Variants in MAOA observed in about 807,000 individuals in gnomAD.
The protein encoded by MAOA is monoamine oxidase A.
In MAOA, 6 loss-of-function variants were observed where a neutral mutation model predicts 42.0. That is an observed-to-expected ratio of 0.14 (90% CI 0.08 to 0.28). MAOA has a LOEUF of 0.28. Ranked by LOEUF, MAOA falls within the 10% of genes least tolerant of loss-of-function variation. The pLI is 1.00. For synonymous variants in MAOA, 140 were observed against 154.0 expected, an observed-to-expected ratio of 0.91 and a Z score of 0.67; for missense variants, 262 against 422.3, an observed-to-expected ratio of 0.62 and a Z score of 3.33.
intron 1 of MAOA, among the ~76,000 whole-genome samples, chrX:43,680,595 A>G (rs976557715): frequency 1.8e-5 from 2 of 109,663 alleles, no homozygotes; most frequent in South Asian, 3.9e-4. Flanking sequence ...TTGGAAAACT[A>G]CTTCATAGGT....
intron 2 of MAOA, among the ~76,000 whole-genome samples, chrX:43,690,541 G>T (rs1375601094): frequency 1.8e-5 from 2 of 111,009 alleles, no homozygotes; most frequent in Non-Finnish European, 3.8e-5. Context: ...TTGGTGCCTT[G>T]TTTGCATGTA....
At chrX:43,712,619 C>T (rs1490276034) in intron 4 of MAOA, 86 bp from the exon 5 acceptor site, 2 of 591,609 alleles carry the variant, frequency 3.4e-6, no homozygotes, top group Non-Finnish European at 5.8e-6. Context: ...ACCAAGAGAC[C>T]CATTTTCAGA....
At chrX:43,679,126 A>G (rs1226361299) in intron 1 of MAOA, among the ~76,000 whole-genome samples, 2 of 111,384 alleles carry the variant, frequency 1.8e-5, no homozygotes. Context: ...AAGAATTTAA[A>G]CTCTCCTTGC....
chrX:43,691,989 T>G (rs2033537400), intron 2 of MAOA, among the ~76,000 whole-genome samples: 1 of 85,069 alleles, frequency 1.2e-5, no homozygotes, highest in African/African-American at 4.5e-5. Context: ...CTAGACAAGT[T>G]GCACTGTATA....
At chrX:43,738,546 C>A (rs184948783) in intron 10 of MAOA, among the ~76,000 whole-genome samples, 2 of 111,855 alleles carry the variant, frequency 1.8e-5, no homozygotes, top group African/African-American at 6.5e-5. Flanking sequence ...GCAGGCCTGG[C>A]GCATTGGCTC....
intron 1 of MAOA, among the ~76,000 whole-genome samples, chrX:43,680,344 A>C (rs2033433010): frequency 9.0e-6 from 1 of 111,262 alleles, no homozygotes; most frequent in African/African-American, 3.3e-5. Context: ...AAGCCCGTGA[A>C]GGATAAAGGG....
rs1239717897 is a variant in MAOA at position 43,684,850 on chromosome X, C to CTTTCT, written c.168+1267_168+1271dup. On this transcript the variant is annotated intron_variant, in intron 2 of 14. Coordinates refer to ENST00000338702, the MANE Select transcript of MAOA (RefSeq NM_000240.4). ...TTGCTCTTCTTTCTGCTCTGATATT[C>CTTTCT]TTTCTTTTCTTTTCTTTTCTTTTCT... Among the ~76,000 whole-genome samples the CTTTCT allele has an allele frequency of 1.7e-3, 167 of 95,715 alleles. 1 individual carries two copies. The East Asian group carries it at 0.035, about 20-fold the overall frequency. The allele number at this position is 95,715 out of a possible 115,157, so 83.1% of individuals were successfully genotyped here.
intron 2 of MAOA, among the ~76,000 whole-genome samples, chrX:43,689,531 G>A (rs2033516195): frequency 9.0e-6 from 1 of 111,068 alleles, no homozygotes; most frequent in African/African-American, 3.3e-5. Context: ...GTAGTCTAAA[G>A]TTTATCAACA....
chrX:43,743,046 A>T (rs982090900), intron 12 of MAOA, among the ~76,000 whole-genome samples: 1 of 110,910 alleles, frequency 9.0e-6, no homozygotes, highest in Non-Finnish European at 1.9e-5. Context: ...CTGGAATTGG[A>T]AAAAGGAGTG....
chrX:43,742,009 G>A lies in MAOA; in HGVS notation c.1224G>A (p.Thr408=), dbSNP rs1045533621. 3.3e-6 allele frequency: 4 copies of A among 1,211,566 alleles called. No homozygotes were observed. Among genetic ancestry groups the A allele is most frequent in the African/African-American group, 1.7e-5 (1 of 57,702 alleles). The change falls in exon 12 of 15, where the codon ACG becomes ACA. Residue 408 remains threonine (T), a synonymous_variant. Coordinates refer to ENST00000338702, the MANE Select transcript of MAOA (RefSeq NM_000240.4). The part of the protein sequence containing the change: ...CEEQYSGGCY[T]AYFPPGIMTQ... ...AGCAGTACTCTGGGGGCTGCTACAC[G>A]GCCTACTTCCCTCCTGGGATCATGA...
At chrX:43,715,117 G>T (rs1462887922) in intron 5 of MAOA, among the ~76,000 whole-genome samples, 1 of 110,793 alleles carries the variant, frequency 9.0e-6, no homozygotes, top group African/African-American at 3.3e-5. Context: ...CACAGATGGT[G>T]TAGATCATTT....
At chrX:43,733,512 C>T (rs1462309731) in intron 9 of MAOA, among the ~76,000 whole-genome samples, 1 of 111,729 alleles carries the variant, frequency 9.0e-6, no homozygotes, top group Non-Finnish European at 1.9e-5. Flanking sequence ...GGTGTCCCCA[C>T]AAATGAATTG....
At chrX:43,683,455 TA>T (rs1357474161) in intron 1 of MAOA, 57 bp from the exon 2 acceptor site, 36 of 866,534 alleles carry the variant, frequency 4.2e-5, no homozygotes, top group Non-Finnish European at 6.2e-5. Flanking sequence ...TAGACCTGGT[TA>T]AATCTTGGAT....
chrX:43,728,023 A>G (rs1191989184), intron 5 of MAOA, 150 bp from the exon 6 acceptor site: 10 of 576,946 alleles, frequency 1.7e-5, no homozygotes, highest in Non-Finnish European at 3.0e-5. Context: ...GAGTTAAAGA[A>G]TGCATTCCTT....
chrX:43,705,866 A>G (rs182235270), intron 3 of MAOA, among the ~76,000 whole-genome samples: 8 of 112,380 alleles, frequency 7.1e-5, no homozygotes, highest in Non-Finnish European at 1.3e-4. Context: ...AAGATGATCA[A>G]TGTTATTAGT....
At position 43,711,950 on chromosome X, in the gene MAOA, A is replaced by T. The variant is rs1800464; in HGVS notation, c.385A>T (p.Arg129Trp). 8.3e-7 allele frequency: 1 copy of T among 1,201,907 alleles called. No individual in the cohort carries two copies. Among genetic ancestry groups the T allele is most frequent in the African/African-American group, 1.7e-5 (1 of 57,365 alleles). ...IAYLDYNNLW[R>W]TIDNMGKEIP... ...ATATTTGGATTACAATAATCTGTGG[A>T]GGACAATAGATAACATGGGGAAGGA... The change falls in exon 4 of 15, where the codon AGG becomes TGG. Residue 129 changes from arginine (R) to tryptophan (W), a missense_variant. Arg to Trp is a moderately radical substitution (Grantham distance 101). Transcript: ENST00000338702.
chrX:43,705,364 T>G (rs1013661648), intron 3 of MAOA, among the ~76,000 whole-genome samples: 1 of 112,046 alleles, frequency 8.9e-6, no homozygotes, highest in Non-Finnish European at 1.9e-5. Flanking sequence ...GACAACTCAG[T>G]GCAAAAAGTA....
intron 1 of MAOA, among the ~76,000 whole-genome samples, chrX:43,667,314 T>G (rs898088321): frequency 9.0e-6 from 1 of 111,162 alleles, no homozygotes; most frequent in Non-Finnish European, 1.9e-5. Context: ...TATTTATTCC[T>G]TTATTTGTCT....
intron 12 of MAOA, among the ~76,000 whole-genome samples, chrX:43,742,625 A>G (rs2033968166): frequency 8.9e-6 from 1 of 112,328 alleles, no homozygotes; most frequent in African/African-American, 3.2e-5. Context: ...AGACTTGCTC[A>G]GTTACAAGAG....
Sources: allele counts gnomAD v4.1 joint callset (sites outside exome capture counted in the v4.1 genomes callset), GRCh38; gene constraint gnomAD v4.1.1; transcripts MANE v1.5; gene names NCBI Gene and HGNC (gene_info 2026-07-23, HGNC 2026-07-21).